Variants in PMM2 observed in about 807,000 individuals in gnomAD.
PMM2 encodes the protein mannose-6-phosphate isomerase.
A neutral mutation model predicts 33.2 loss-of-function variants in PMM2; 35 were observed. That is an observed-to-expected ratio of 1.06 (90% CI 0.81 to 1.40). The LOEUF (loss-of-function observed/expected upper bound fraction) is 1.40. PMM2 is among the 40% of genes most tolerant of loss of function. The probability of loss-of-function intolerance (pLI) is 0.00; values close to 1 mark genes in which losing one functional copy is unlikely to be tolerated. For synonymous variants in PMM2, 153 were observed against 114.7 expected, an observed-to-expected ratio of 1.33 and a Z score of -2.13; for missense variants, 386 against 306.0, an observed-to-expected ratio of 1.26 and a Z score of -1.95.
intron 7 of PMM2, among the ~76,000 whole-genome samples, chr16:8,844,485 G>A (rs2060911461): frequency 6.6e-6 from 1 of 152,160 alleles, no homozygotes; most frequent in Non-Finnish European, 1.5e-5. Flanking sequence ...AAGGGGTTGG[G>A]GGGTTCTTGC....
chr16:8,827,995 TTTAA>T (rs1203945812), intron 7 of PMM2, among the ~76,000 whole-genome samples: 3 of 134,166 alleles, frequency 2.2e-5, no homozygotes, highest in East Asian at 4.1e-4. Context: ...GATATCCATT[TTTAA>T]TTAAGCAGAT....
chr16:8,818,965 C>T (rs558285326), intron 7 of PMM2, among the ~76,000 whole-genome samples: 30 of 152,322 alleles, frequency 2.0e-4, no homozygotes, highest in African/African-American at 6.7e-4. Flanking sequence ...CTCAGCCACT[C>T]TGAATTCGCA....
chr16:8,808,369 A>AT (rs2060658273), intron 4 of PMM2: 1 of 151,480 alleles, frequency 6.6e-6, no homozygotes, highest in African/African-American at 2.4e-5. Flanking sequence ...CTAAGGGAGG[A>AT]TTTAAAAAAA....
rs2060950126 is a variant in PMM2 at position 8,849,232 on chromosome 16, A to C, written c.*1407A>C. 6.6e-6 allele frequency: 1 copy of C among 152,376 alleles called. No individual in the cohort carries two copies. Among genetic ancestry groups the C allele is most frequent in the South Asian group, 2.1e-4 (1 of 4,840 alleles). 9.4% of individuals were successfully genotyped at this position (152,376 alleles called of 1,614,324 possible). On this transcript the variant is annotated 3_prime_UTR_variant, in exon 8 of 8. Transcript: ENST00000268261. ...CAGCCAGCTCATCCCAGTGACTCAC[A>C]GGACACAGCCATCCAGCGGCATCTT...
At chr16:8,798,616 A>G (rs1475891838) in intron 1 of PMM2, among the ~76,000 whole-genome samples, 9 of 152,172 alleles carry the variant, frequency 5.9e-5, no homozygotes, top group Non-Finnish European at 1.5e-5. Flanking sequence ...GAGGAGCCCT[A>G]GGTTATTACA....
chr16:8,847,716 C>T lies in PMM2; in HGVS notation c.640-8C>T. On this transcript the variant is annotated splice_region_variant and splice_polypyrimidine_tract_variant and intron_variant, in intron 7 of 7. Transcript: ENST00000268261. ...GGGAGCCTTCATCTGTACTTCGTGT[C>T]TTTCCAGGGTGGCAATGACCATGAG... 4 of 1,607,142 alleles carry T rather than the reference C, an allele frequency of 2.5e-6. No homozygotes were observed. Among genetic ancestry groups the T allele is most frequent in the Non-Finnish European group, 3.4e-6 (4 of 1,173,860 alleles).
At chr16:8,845,131 G>C (rs9929742) in intron 7 of PMM2, among the ~76,000 whole-genome samples, 4 of 151,974 alleles carry the variant, frequency 2.6e-5, no homozygotes, top group East Asian at 1.9e-4. Context: ...AAAGAGAGTC[G>C]GCAAAGGGTG....
intron 7 of PMM2, among the ~76,000 whole-genome samples, chr16:8,837,170 C>A (rs151338532): frequency 0.2 from 29,599 of 151,666 alleles, 3,204 homozygotes; most frequent in Middle Eastern, 0.28. Flanking sequence ...AGATTTGGGA[C>A]GAGTTGCACT....
At chr16:8,820,348 C>CTTTT (rs1451905873) in intron 7 of PMM2, among the ~76,000 whole-genome samples, 14 of 131,360 alleles carry the variant, frequency 1.1e-4, no homozygotes, top group Admixed American at 1.5e-4. Context: ...GGACACAGTT[C>CTTTT]TTCTTTTTTT....
intron 7 of PMM2, among the ~76,000 whole-genome samples, chr16:8,820,418 ATCTTGGTTCACTGTAATCTTGAAC>A (rs2060731923): frequency 6.7e-6 from 1 of 149,208 alleles, no homozygotes; most frequent in African/African-American, 2.5e-5. Context: ...CAGTGGCGCA[ATCTTGGTTCACTGTAATCTTGAAC>A]TCCTGGGCTC....
intron 3 of PMM2, among the ~76,000 whole-genome samples, chr16:8,805,478 G>A (rs1567158201): frequency 6.6e-6 from 1 of 152,210 alleles, no homozygotes; most frequent in Non-Finnish European, 1.5e-5. Flanking sequence ...CTCTGCCTCA[G>A]CCTCCCACGT....
At chr16:8,810,074 G>A (rs868446089) in intron 4 of PMM2, 5 of 152,312 alleles carry the variant, frequency 3.3e-5, no homozygotes, top group African/African-American at 1.2e-4. Flanking sequence ...GCCTCCCAAA[G>A]TGCTGGGGTT....
At chr16:8,802,002 TC>T in intron 2 of PMM2, 92 bp downstream of exon 2, 1 of 889,976 alleles carries the variant, frequency 1.1e-6, no homozygotes, top group Admixed American at 2.0e-5. Flanking sequence ...TAAAACCTTG[TC>T]CCCATATGGC....
chr16:8,806,460 T>C (rs1174612009), intron 4 of PMM2, 53 bp downstream of exon 4: 3 of 1,086,164 alleles, frequency 2.8e-6, no homozygotes, highest in East Asian at 2.4e-5. Context: ...TAGTGTCACA[T>C]GGTGGGCTAA....
At position 8,826,749 on chromosome 16, in the gene PMM2, C is replaced by T. The variant is rs77227641; in HGVS notation, c.639+13643C>T. ...CACACAACATTATAAATATATAGAC[C>T]GAAGAAGATGCATTAGTTAAGATTT... On this transcript the variant is annotated intron_variant, in intron 7 of 7. Coordinates refer to ENST00000268261, the MANE Select transcript of PMM2 (RefSeq NM_000303.3). Among the ~76,000 whole-genome samples, 1,188 of 151,984 alleles carry T rather than the reference C, an allele frequency of 7.8e-3. 10 individuals are homozygous for T. Among genetic ancestry groups the T allele is most frequent in the Non-Finnish European group, 1.0e-2 (679 of 67,976 alleles).
intron 7 of PMM2, among the ~76,000 whole-genome samples, chr16:8,820,765 G>T (rs1208928766): frequency 6.6e-6 from 1 of 152,156 alleles, no homozygotes; most frequent in African/African-American, 2.4e-5. Context: ...TCTTTGGCCT[G>T]GTCCACAACC....
At chr16:8,800,756 T>C (rs185265996) in intron 1 of PMM2, among the ~76,000 whole-genome samples, 57 of 152,048 alleles carry the variant, frequency 3.7e-4, no homozygotes, top group African/African-American at 1.3e-3. Context: ...CGATCTTGGC[T>C]CACTGCAACC....
At chr16:8,822,857 A>T (rs115416622) in intron 7 of PMM2, among the ~76,000 whole-genome samples, 1,715 of 152,294 alleles carry the variant, frequency 0.011, 29 homozygotes, top group African/African-American at 0.039. Flanking sequence ...TAGTATTCTC[A>T]TCTATAGTTT....
chr16:8,809,983 G>A (rs1285576874), intron 4 of PMM2: 2 of 152,192 alleles, frequency 1.3e-5, no homozygotes. Flanking sequence ...GCTAATTTTT[G>A]TATTTTTTGT....
Sources: allele counts gnomAD v4.1 joint callset (sites outside exome capture counted in the v4.1 genomes callset), GRCh38; gene constraint gnomAD v4.1.1; transcripts MANE v1.5; gene names NCBI Gene and HGNC (gene_info 2026-07-23, HGNC 2026-07-21).